The following ENTPD5 variants were observed in gnomAD, a reference collection of about 807,000 sequenced individuals.
ENTPD5 encodes nucleoside diphosphate phosphatase ENTPD5.
Under a neutral mutation model 60.2 loss-of-function variants are expected in ENTPD5, and 49 were observed. The ratio of observed to expected loss-of-function variants is 0.81; its 90% confidence interval spans 0.65 to 1.03. ENTPD5 has a LOEUF of 1.03. Ranked by LOEUF, ENTPD5 falls within the 50% of genes least tolerant of loss-of-function variation. The pLI, the probability that ENTPD5 is intolerant of heterozygous loss-of-function variation, is 0.00. For missense variants in ENTPD5, 480 were observed against 507.6 expected (o/e 0.95, Z 0.52); for synonymous variants, 187 against 185.4 (o/e 1.01, Z -0.07).
intron 8 of ENTPD5, among the ~76,000 whole-genome samples, chr14:73,976,628 C>CA (rs1187873165): frequency 6.7e-6 from 1 of 149,558 alleles, no homozygotes; most frequent in Non-Finnish European, 1.5e-5. Flanking sequence ...TTTTTGGAGA[C>CA]AGAGTCTTGC....
chr14:74,013,269 T>A (rs2058901126), intron 2 of ENTPD5, among the ~76,000 whole-genome samples: 1 of 152,208 alleles, frequency 6.6e-6, no homozygotes, highest in South Asian at 2.1e-4. Context: ...GCTCACATTG[T>A]TCTAACTTCC....
At chr14:74,007,513 C>T (rs1342813677) in intron 3 of ENTPD5, among the ~76,000 whole-genome samples, 1 of 151,436 alleles carries the variant, frequency 6.6e-6, no homozygotes, top group African/African-American at 2.4e-5. Context: ...CAGAGCAAGA[C>T]TCCACCTTGG....
intron 6 of ENTPD5, among the ~76,000 whole-genome samples, chr14:73,979,027 C>T (rs114483914): frequency 0.015 from 2,229 of 152,278 alleles, 52 homozygotes; most frequent in African/African-American, 0.05. Context: ...CCTCTCATAT[C>T]GCTCTTTCCT....
At chr14:73,989,344 G>A (rs370033798) in intron 3 of ENTPD5, among the ~76,000 whole-genome samples, 6 of 139,124 alleles carry the variant, frequency 4.3e-5, no homozygotes, top group East Asian at 2.3e-4. Context: ...GGTGGATCAC[G>A]TGAGGTCAGG....
chr14:73,962,045 T>C, downstream of ENTPD5: 1 of 971,902 alleles, frequency 1.0e-6, no homozygotes, highest in Non-Finnish European at 1.6e-6. Flanking sequence ...CCTCCCAGGT[T>C]CAAGTGATTA....
intron 3 of ENTPD5, among the ~76,000 whole-genome samples, 187 bp from the exon 4 acceptor site, chr14:73,988,359 T>C (rs1419709520): frequency 2.0e-5 from 3 of 152,168 alleles, no homozygotes; most frequent in African/African-American, 7.2e-5. Context: ...AAAAGGAAAT[T>C]GGAATTGAAG....
Position 74,007,250 on chromosome 14 carries a change from G to A in ENTPD5, c.-71+3841C>T, listed in dbSNP as rs374201777. Among the ~76,000 whole-genome samples, 234 of 152,236 alleles carry A rather than the reference G, an allele frequency of 1.5e-3. 2 individuals carry two copies. Among genetic ancestry groups the A allele is most frequent in the East Asian group, 8.5e-3 (44 of 5,172 alleles). On this transcript the variant is annotated intron_variant, in intron 3 of 15. Transcript: ENST00000334696. ...AAAAAAATTAGGTATGGCCGGGCGCGGTGGCTCACGCCTGTAATCCCAGCA... is the reference window on the plus strand; with the variant it reads ...AAAAAAATTAGGTATGGCCGGGCGCAGTGGCTCACGCCTGTAATCCCAGCA...
rs1320602721 is a variant in ENTPD5, at chr14:73,986,521, A to G, written c.297+293T>C. The stretch of plus-strand genomic sequence containing the variant: ...ATCTTCTGCGCTTACATGAACAAAT[A>G]CAACTGATGGCTTCAACTCAAAATT... On this transcript the variant is annotated intron_variant, in intron 5 of 15. Coordinates refer to ENST00000334696, the MANE Select transcript of ENTPD5 (RefSeq NM_001249.5). 1.8e-5 allele frequency: 6 copies of G among 327,414 alleles called. No individual in the cohort carries two copies. The East Asian group carries it at 2.9e-4, about 16-fold the overall frequency. The allele number at this position is 327,414 out of a possible 1,614,324, so 20.3% of individuals were successfully genotyped here. A position where few individuals can be genotyped will look rare whatever the true frequency, so the allele number is the denominator to read the frequency against.
intron 3 of ENTPD5, among the ~76,000 whole-genome samples, chr14:73,995,512 C>A (rs985540177): frequency 6.6e-6 from 1 of 151,542 alleles, no homozygotes; most frequent in East Asian, 1.9e-4. Flanking sequence ...AACAGCTGAT[C>A]GGGCACAGTG....
chr14:74,018,679 C>T (rs58894370), intron 1 of ENTPD5: 11,654 of 152,188 alleles, frequency 0.077, 608 homozygotes, highest in South Asian at 0.26. Flanking sequence ...GAAGTATCGG[C>T]CACACAGGAC....
chr14:73,988,284 T>C (rs2057988008), intron 3 of ENTPD5, 112 bp from the exon 4 acceptor site: 5 of 1,028,478 alleles, frequency 4.9e-6, no homozygotes, highest in Non-Finnish European at 6.7e-6. Flanking sequence ...TCTAATAACC[T>C]GTACAACAAG....
At chr14:73,978,283 C>A (rs113694079) in intron 6 of ENTPD5, among the ~76,000 whole-genome samples, 394 of 152,146 alleles carry the variant, frequency 2.6e-3, no homozygotes, top group Non-Finnish European at 4.5e-3. Flanking sequence ...AAATGGACGT[C>A]AAATCATGTG....
At chr14:74,001,284 C>CCT (rs1566759129) in intron 3 of ENTPD5, among the ~76,000 whole-genome samples, 1 of 152,018 alleles carries the variant, frequency 6.6e-6, no homozygotes, top group African/African-American at 2.4e-5. Flanking sequence ...AAGCGGATCA[C>CCT]GAGGTCAAGA....
intron 2 of ENTPD5, among the ~76,000 whole-genome samples, chr14:74,014,767 G>A (rs1237398710): frequency 1.3e-5 from 2 of 152,108 alleles, no homozygotes; most frequent in Non-Finnish European, 2.9e-5. Context: ...TGCAGCACAT[G>A]CAATAAAAAA....
At chr14:73,956,851 A>G (rs2056459981), downstream of ENTPD5, 1 of 152,180 alleles carries the variant, frequency 6.6e-6, no homozygotes, top group African/African-American at 2.4e-5. Context: ...TAGTTCATGC[A>G]GTGAACCATG....
At chr14:73,958,995 G>A (rs746166667), downstream of ENTPD5, 55 of 1,613,958 alleles carry the variant, frequency 3.4e-5, 1 homozygote, top group Non-Finnish European at 4.3e-5. Flanking sequence ...TCACAACTCC[G>A]GAGTACGGCA....
chr14:74,003,431 T>C, intron 3 of ENTPD5: 1 of 1,225,124 alleles, frequency 8.2e-7, no homozygotes, highest in Non-Finnish European at 1.1e-6. Context: ...GAATGTGCAG[T>C]CTGAAGCACA....
intron 3 of ENTPD5, among the ~76,000 whole-genome samples, chr14:74,006,546 G>A: frequency 6.6e-6 from 1 of 150,842 alleles, no homozygotes. Context: ...GCCTCCCAAA[G>A]TGCTGATATT....
chr14:73,986,069 C>CAAAAAAAAAA (rs534512335), intron 5 of ENTPD5, among the ~76,000 whole-genome samples: 1 of 79,292 alleles, frequency 1.3e-5, no homozygotes. Flanking sequence ...GATACTCCGT[C>CAAAAAAAAAA]AAAAAAAAAA....
Sources: gnomAD v4.1 joint callset for allele counts (sites outside exome capture counted in the v4.1 genomes callset) on GRCh38, gnomAD v4.1.1 for gene constraint, MANE v1.5 for transcripts, NCBI Gene and HGNC (gene_info 2026-07-23, HGNC 2026-07-21) for gene names.